The following KCNH8 variants were observed in gnomAD, a reference collection of about 807,000 sequenced individuals.
The protein encoded by KCNH8 is potassium voltage-gated channel subfamily H member 8.
A neutral mutation model predicts 103.6 loss-of-function variants in KCNH8; 70 were observed. That is an observed-to-expected ratio of 0.68 (90% CI 0.56 to 0.82). The LOEUF (loss-of-function observed/expected upper bound fraction) is 0.82. KCNH8 is among the 40% of genes least tolerant of loss of function. KCNH8 has a pLI of 0.00. For synonymous variants in KCNH8, 498 were observed against 489.4 expected (o/e 1.02, Z -0.23); for missense variants, 1,217 against 1,329.9 (o/e 0.92, Z 1.32).
intron 1 of KCNH8, among the ~76,000 whole-genome samples, chr3:19,156,973 T>C (rs34344088): frequency 0.31 from 46,245 of 150,484 alleles, 8,938 homozygotes; most frequent in Non-Finnish European, 0.43. Flanking sequence ...AAGCTTTTTT[T>C]TTTTTTTTTA....
rs555860642 is a variant in KCNH8 at position 19,294,422 on chromosome 3, A to G, written c.442+13093A>G. On this transcript the variant is annotated intron_variant, in intron 3 of 15. Coordinates refer to ENST00000328405, the MANE Select transcript of KCNH8 (RefSeq NM_144633.3). Reference sequence around the variant, plus strand: ...TTGTTTGCATAATGGAAAAAAACACATGCAAAATTTCTAGTAAAGAGAAGT... The same window carrying G: ...TTGTTTGCATAATGGAAAAAAACACGTGCAAAATTTCTAGTAAAGAGAAGT... Among the ~76,000 whole-genome samples the G allele has an allele frequency of 1.3e-4, 20 of 152,304 alleles. No individual in the cohort carries two copies. The East Asian group carries it at 3.5e-3, about 27-fold the overall frequency.
intron 3 of KCNH8, among the ~76,000 whole-genome samples, chr3:19,334,099 A>C (rs1006814006): frequency 6.6e-6 from 1 of 152,164 alleles, no homozygotes; most frequent in Non-Finnish European, 1.5e-5. Flanking sequence ...CGAATTGGGC[A>C]GAGGCCCCTC....
chr3:19,350,013 T>G (rs2065778418), intron 5 of KCNH8, among the ~76,000 whole-genome samples: 1 of 152,082 alleles, frequency 6.6e-6, no homozygotes, highest in African/African-American at 2.4e-5. Flanking sequence ...CTGCCTGAAA[T>G]CTCTTGTTGA....
intron 5 of KCNH8, among the ~76,000 whole-genome samples, chr3:19,388,864 T>G (rs1559303455): frequency 6.6e-6 from 1 of 152,106 alleles, no homozygotes; most frequent in Admixed American, 6.6e-5. Flanking sequence ...TTCAGTTTTA[T>G]CAGATGTATC....
At chr3:19,349,081 T>G (rs1253524839) in intron 5 of KCNH8, among the ~76,000 whole-genome samples, 1 of 152,030 alleles carries the variant, frequency 6.6e-6, no homozygotes, top group African/African-American at 2.4e-5. Flanking sequence ...TGATAGGACC[T>G]CTGCTGTCAC....
chr3:19,257,530 G>A (rs559997546), intron 2 of KCNH8, among the ~76,000 whole-genome samples: 1 of 152,036 alleles, frequency 6.6e-6, no homozygotes, highest in African/African-American at 2.4e-5. Flanking sequence ...TTCTCTGATA[G>A]CATGAAAGAC....
At chr3:19,161,267 A>G (rs1575404429) in intron 1 of KCNH8, among the ~76,000 whole-genome samples, 1 of 152,190 alleles carries the variant, frequency 6.6e-6, no homozygotes, top group Admixed American at 6.5e-5. Context: ...GGCATCCACC[A>G]GGTGGTATTG....
At chr3:19,305,604 A>G (rs2065119796) in intron 3 of KCNH8, among the ~76,000 whole-genome samples, 1 of 152,228 alleles carries the variant, frequency 6.6e-6, no homozygotes, top group African/African-American at 2.4e-5. Flanking sequence ...TTCACACACA[A>G]TTGGAGAAGA....
chr3:19,154,606 G>T (rs1384799968), intron 1 of KCNH8, among the ~76,000 whole-genome samples: 2 of 152,178 alleles, frequency 1.3e-5, no homozygotes, highest in Non-Finnish European at 2.9e-5. Flanking sequence ...TCCATAGAAT[G>T]CAGTGAAGTT....
At chr3:19,504,993 A>G (rs1218562551) in intron 11 of KCNH8, among the ~76,000 whole-genome samples, 3 of 151,202 alleles carry the variant, frequency 2.0e-5, no homozygotes, top group Non-Finnish European at 2.9e-5. Context: ...ACACATATAT[A>G]TATCTCTCTC....
intron 5 of KCNH8, among the ~76,000 whole-genome samples, chr3:19,362,583 ATATAAC>A (rs2065960934): frequency 6.6e-6 from 1 of 152,198 alleles, no homozygotes; most frequent in Non-Finnish European, 1.5e-5. Flanking sequence ...TAAATAATCA[ATATAAC>A]AAAGCAGCGT....
At chr3:19,267,221 A>G (rs1175918275) in intron 2 of KCNH8, among the ~76,000 whole-genome samples, 1 of 152,122 alleles carries the variant, frequency 6.6e-6, no homozygotes, top group African/African-American at 2.4e-5. Context: ...GCCAGGGGAA[A>G]GCACCTGAGA....
chr3:19,395,008 A>T, intron 6 of KCNH8, 96 bp from the exon 7 acceptor site: 1 of 835,268 alleles, frequency 1.2e-6, no homozygotes. Context: ...AAATAATTAT[A>T]CTTCATTTCC....
chr3:19,395,662 C>G (rs1227772446), intron 7 of KCNH8, among the ~76,000 whole-genome samples: 1 of 151,980 alleles, frequency 6.6e-6, no homozygotes, highest in East Asian at 1.9e-4. Context: ...GGCCTATGGT[C>G]TATCACTACG....
At chr3:19,447,203 C>A (rs1393525690) in intron 8 of KCNH8, among the ~76,000 whole-genome samples, 1 of 151,918 alleles carries the variant, frequency 6.6e-6, no homozygotes, top group Non-Finnish European at 1.5e-5. Context: ...GAAATGATAA[C>A]CAGTGACAGA....
At position 19,535,008 on chromosome 3, in the gene KCNH8, G is replaced by A. The variant is rs865813130; in HGVS notation, c.*909G>A. 13 of 152,170 alleles carry A rather than the reference G, an allele frequency of 8.5e-5. No homozygotes were observed. The highest frequency in any genetic ancestry group is 2.6e-4 in the Admixed American group (4 of 15,276). 9.4% of individuals were successfully genotyped at this position (152,170 alleles called of 1,614,324 possible). A position where few individuals can be genotyped will look rare whatever the true frequency, so the allele number is the denominator to read the frequency against. ...ATGAGCTTTGGCATGGGGATAGAGA[G>A]GCTCCATCTAGGCTCTGCCAACTCA... is the stretch of plus-strand genomic sequence containing the variant. On this transcript the variant is annotated 3_prime_UTR_variant, in exon 16 of 16. Coordinates refer to ENST00000328405, the MANE Select transcript of KCNH8 (RefSeq NM_144633.3).
intron 1 of KCNH8, among the ~76,000 whole-genome samples, chr3:19,222,378 G>A (rs371822561): frequency 4.6e-5 from 7 of 151,986 alleles, no homozygotes; most frequent in African/African-American, 1.4e-4. Context: ...TAGATACTTC[G>A]GTGAAAAATG....
intron 3 of KCNH8, among the ~76,000 whole-genome samples, chr3:19,297,397 A>T (rs1404035412): frequency 2.0e-5 from 3 of 152,236 alleles, no homozygotes; most frequent in Non-Finnish European, 4.4e-5. Flanking sequence ...TGATACATTG[A>T]TGAAAATATA....
At chr3:19,380,014 A>G (rs2066267448) in intron 5 of KCNH8, among the ~76,000 whole-genome samples, 1 of 152,214 alleles carries the variant, frequency 6.6e-6, no homozygotes. Context: ...GTGTTTATAT[A>G]AAGTTTTGCT....
Sources: gnomAD v4.1 joint callset for allele counts (sites outside exome capture counted in the v4.1 genomes callset) on GRCh38, gnomAD v4.1.1 for gene constraint, MANE v1.5 for transcripts, NCBI Gene and HGNC (gene_info 2026-07-23, HGNC 2026-07-21) for gene names.